The following ABCA12 variants were observed in gnomAD, a reference collection of about 807,000 sequenced individuals.
ABCA12 encodes the protein glucosylceramide transporter ABCA12.
ABCA12 carries 156 observed loss-of-function variants against 293.5 expected under a neutral mutation model. The observed-to-expected ratio is 0.53, with a 90% CI of 0.47 to 0.61. ABCA12 has a LOEUF of 0.61. ABCA12 is among the 20% of genes least tolerant of loss of function. ABCA12 has a pLI of 0.00. For synonymous variants in ABCA12, 1,063 were observed against 1,108.0 expected, an observed-to-expected ratio of 0.96 and a Z score of 0.81; for missense variants, 2,797 against 3,090.2, an observed-to-expected ratio of 0.91 and a Z score of 2.25.
At chr2:215,056,910 G>C (rs188404904) in intron 3 of ABCA12, among the ~76,000 whole-genome samples, 1 of 152,168 alleles carries the variant, frequency 6.6e-6, no homozygotes, top group East Asian at 1.9e-4. Flanking sequence ...ATGCTTCTTA[G>C]AACAGTGGTT....
At chr2:214,956,642 A>G in intron 42 of ABCA12, 21 bp downstream of exon 42, 1 of 1,538,776 alleles carries the variant, frequency 6.5e-7, no homozygotes, top group Non-Finnish European at 9.0e-7. Flanking sequence ...TTCTTCTTTC[A>G]TTGCTTAATC....
chr2:214,997,714 T>C lies in ABCA12; in HGVS notation c.3275A>G (p.Lys1092Arg). Reference protein sequence around the residue: ...AAFVKKLVYEKDLRLHEYMKM... With the variant: ...AAFVKKLVYERDLRLHEYMKM... ...ACATACCTCATGAAGCCGGAGGTCT[T>C]TCTCATAGACAAGCTTTTTTACAAA... The change falls in exon 23 of 53, where the codon AAA (lysine) becomes AGA (arginine). Residue 1092 changes from lysine to arginine, a missense_variant. Physicochemically the swap from Lys to Arg is conservative, Grantham distance 26. Transcript: ENST00000272895. 1 of 1,611,612 alleles carries C rather than the reference T, an allele frequency of 6.2e-7. No individual in the cohort carries two copies. Among genetic ancestry groups the C allele is most frequent in the South Asian group, 1.1e-5 (1 of 91,008 alleles).
intron 2 of ABCA12, among the ~76,000 whole-genome samples, chr2:215,077,296 G>A (rs917328059): frequency 6.6e-5 from 10 of 152,150 alleles, no homozygotes; most frequent in African/African-American, 2.2e-4. Flanking sequence ...CCATAACTAG[G>A]TTTTAGTTAC....
chr2:215,011,621 G>C lies in ABCA12; in HGVS notation c.2150C>G (p.Thr717Arg), dbSNP rs764993449. The C allele has an allele frequency of 8.1e-6, 13 of 1,613,888 alleles. No individual in the cohort carries two copies. Among genetic ancestry groups the C allele is most frequent in the Non-Finnish European group, 8.5e-7 (1 of 1,179,920 alleles). ...QAMYRSNRMNTPQGSFSTISQ... is the reference protein window; with the variant it reads ...QAMYRSNRMNRPQGSFSTISQ... Reference sequence around the variant, plus strand: ...GATGGTGCTAAATGATCCTTGTGGTGTGTTCATTCGGTTGCTTCTGTACAT... The same window carrying C: ...GATGGTGCTAAATGATCCTTGTGGTCTGTTCATTCGGTTGCTTCTGTACAT... Residue 717 changes from threonine (T) to arginine (R), a missense_variant, in exon 17 of 53, where the codon ACA (threonine) becomes AGA (arginine). Thr to Arg is a moderately conservative substitution (Grantham distance 71). Transcript: ENST00000272895.
chr2:215,023,181 G>A (rs1345109182), intron 11 of ABCA12: 3 of 152,164 alleles, frequency 2.0e-5, no homozygotes, highest in Admixed American at 2.0e-4. Flanking sequence ...AAGAGCATCA[G>A]TAACTGTGAA....
intron 49 of ABCA12, among the ~76,000 whole-genome samples, chr2:214,943,324 T>G (rs1043458240): frequency 6.6e-6 from 1 of 151,754 alleles, no homozygotes; most frequent in Non-Finnish European, 1.5e-5. Flanking sequence ...AATTTTTTTT[T>G]GTAGAGATGG....
intron 13 of ABCA12, among the ~76,000 whole-genome samples, chr2:215,018,836 G>A (rs1700562053): frequency 6.6e-6 from 1 of 151,988 alleles, no homozygotes; most frequent in African/African-American, 2.4e-5. Flanking sequence ...TTTTGTGGCT[G>A]CCCGTTGTCC....
At chr2:215,040,536 C>T (rs748951202) in intron 7 of ABCA12, among the ~76,000 whole-genome samples, 4 of 152,226 alleles carry the variant, frequency 2.6e-5, no homozygotes, top group East Asian at 1.9e-4. Context: ...TGGCTGGGCG[C>T]GGTGGCTCAC....
chr2:215,096,066 C>G (rs1188495011), intron 2 of ABCA12, among the ~76,000 whole-genome samples: 1 of 152,152 alleles, frequency 6.6e-6, no homozygotes, highest in African/African-American at 2.4e-5. Context: ...GACCTGGGTT[C>G]AAGTAGGAAG....
intron 6 of ABCA12, among the ~76,000 whole-genome samples, chr2:215,048,029 A>C (rs1388890237): frequency 6.6e-6 from 1 of 152,174 alleles, no homozygotes; most frequent in Non-Finnish European, 1.5e-5. Context: ...GATGCTTTTC[A>C]AAAGAACATA....
At chr2:215,089,270 A>G (rs1702095053) in intron 2 of ABCA12, among the ~76,000 whole-genome samples, 1 of 150,986 alleles carries the variant, frequency 6.6e-6, no homozygotes, top group South Asian at 2.1e-4. Flanking sequence ...TTACAGTTTC[A>G]TGAGATTCAT....
At chr2:215,032,507 C>T (rs1256736558) in intron 8 of ABCA12, 2 of 153,192 alleles carry the variant, frequency 1.3e-5, no homozygotes, top group African/African-American at 2.4e-5. Context: ...CTAATGGAGA[C>T]CACATACGAA....
At chr2:215,033,832 T>A (rs1273760993) in intron 8 of ABCA12, among the ~76,000 whole-genome samples, 1 of 151,982 alleles carries the variant, frequency 6.6e-6, no homozygotes, top group Admixed American at 6.5e-5. Context: ...TCCCAGGTAC[T>A]TGGGAGGCTG....
intron 4 of ABCA12, among the ~76,000 whole-genome samples, chr2:215,053,451 G>A (rs1310626179): frequency 1.3e-5 from 2 of 151,994 alleles, no homozygotes; most frequent in East Asian, 3.9e-4. Context: ...TGAGATAACT[G>A]GCCAGAGTGA....
intron 39 of ABCA12, 148 bp from the exon 40 acceptor site, chr2:214,959,226 T>A: frequency 1.4e-6 from 1 of 726,562 alleles, no homozygotes; most frequent in Non-Finnish European, 2.3e-6. Context: ...AGGAAAATTA[T>A]TTTTCCCCTA....
intron 30 of ABCA12, 44 bp from the exon 31 acceptor site, chr2:214,980,687 T>C: frequency 6.2e-7 from 1 of 1,612,090 alleles, no homozygotes; most frequent in Non-Finnish European, 8.5e-7. Context: ...AACGTGAAAG[T>C]ACAGTTCCCA....
chr2:215,053,756 G>A (rs550624138), intron 4 of ABCA12, among the ~76,000 whole-genome samples: 20 of 152,004 alleles, frequency 1.3e-4, no homozygotes, highest in African/African-American at 3.6e-4. Context: ...ATATTTCAAC[G>A]TACAGGAATC....
intron 1 of ABCA12, among the ~76,000 whole-genome samples, chr2:215,124,619 T>C (rs1203812145): frequency 6.6e-6 from 1 of 152,198 alleles, no homozygotes. Flanking sequence ...GAATTCTCTG[T>C]TCATGTCCTT....
chr2:215,001,135 A>G (rs1700137136), intron 21 of ABCA12, 115 bp from the exon 22 acceptor site: 13 of 991,766 alleles, frequency 1.3e-5, no homozygotes, highest in Non-Finnish European at 2.0e-5. Flanking sequence ...GTAATGTGAC[A>G]GTAGGTTCAG....
Sources: gnomAD v4.1 joint callset for allele counts (sites outside exome capture counted in the v4.1 genomes callset) on GRCh38, gnomAD v4.1.1 for gene constraint, MANE v1.5 for transcripts, NCBI Gene and HGNC (gene_info 2026-07-23, HGNC 2026-07-21) for gene names.